SEC31B: variants seen among roughly 807,000 people sequenced by gnomAD.
SEC31B encodes the protein protein transport protein Sec31B.
Under a neutral mutation model 135.0 loss-of-function variants are expected in SEC31B, and 113 were observed. The ratio of observed to expected loss-of-function variants is 0.84; its 90% CI spans 0.72 to 0.98. SEC31B has a LOEUF of 0.98. Among genes scored for constraint, SEC31B ranks in the 50% least tolerant of loss-of-function variants. SEC31B has a pLI of 0.00. For missense variants in SEC31B, 1,296 were observed against 1,421.1 expected, an observed-to-expected ratio of 0.91 and a Z score of 1.42; for synonymous variants, 508 against 549.4, an observed-to-expected ratio of 0.92 and a Z score of 1.05.
At chr10:100,511,374 T>C (rs1851733998) in intron 3 of SEC31B, among the ~76,000 whole-genome samples, 1 of 152,216 alleles carries the variant, frequency 6.6e-6, no homozygotes. Flanking sequence ...TTCCCATCTC[T>C]ACTCTGCAAA....
intron 11 of SEC31B, chr10:100,499,986 T>G: frequency 4.6e-6 from 2 of 435,572 alleles, no homozygotes; most frequent in Non-Finnish European, 9.2e-6. Context: ...TTTCCCTGTT[T>G]GCAGTGGCTC....
At chr10:100,514,075 C>T (rs1459442739) in intron 3 of SEC31B, among the ~76,000 whole-genome samples, 2 of 151,950 alleles carry the variant, frequency 1.3e-5, no homozygotes, top group African/African-American at 2.4e-5. Flanking sequence ...ATCCCAGCTA[C>T]TCGGGAGGCT....
rs992306547 is a variant in SEC31B, at chr10:100,486,985, A to AT, written c.*630dup. 1.3e-5 allele frequency: 2 copies of AT among 152,804 alleles called. No individual in the cohort carries two copies. The highest frequency in any genetic ancestry group is 4.8e-5 in the African/African-American group (2 of 41,440). 9.5% of individuals were successfully genotyped at this position (152,804 alleles called of 1,614,324 possible). Reference sequence around the variant, plus strand: ...AGGCAGTTCATCCCTTTCACCTTCCATCCAACCTAGCCCACCCTTAATAAT... The same window carrying AT: ...AGGCAGTTCATCCCTTTCACCTTCCATTCCAACCTAGCCCACCCTTAATAAT... On this transcript the variant is annotated 3_prime_UTR_variant, in exon 26 of 26. Transcript: ENST00000370345.
intron 7 of SEC31B, among the ~76,000 whole-genome samples, chr10:100,506,670 C>T (rs1851638832): frequency 1.3e-5 from 2 of 152,220 alleles, no homozygotes; most frequent in Admixed American, 1.3e-4. Flanking sequence ...CACTCTGCCT[C>T]TCTTAGATCA....
At chr10:100,499,105 A>G (rs1010668361) in intron 13 of SEC31B, 55 bp downstream of exon 13, 44 of 1,453,782 alleles carry the variant, frequency 3.0e-5, no homozygotes, top group Non-Finnish European at 4.0e-5. Context: ...AAAGATGCCC[A>G]AAAGGCAGGT....
In SEC31B at chr10:100,509,503, T is replaced by C. The variant is rs779677267; in HGVS notation, c.212A>G (p.Lys71Arg). Reference sequence around the variant, plus strand: ...ACTGCCAAAGCTCCCCCAGACCAGCTTGTGAAACCTATAAAGAGGAGGAAC... The same window carrying C: ...ACTGCCAAAGCTCCCCCAGACCAGCCTGTGAAACCTATAAAGAGGAGGAAC... ...GVLSALSRFH[K>R]LVWGSFGSGL... Residue 71 changes from lysine (K) to arginine (R), a missense_variant, in exon 4 of 26, where the codon AAG becomes AGG. Transcript: ENST00000370345. 3 of 1,611,070 alleles carry C rather than the reference T, an allele frequency of 1.9e-6. No homozygotes were observed. Among genetic ancestry groups the C allele is most frequent in the Non-Finnish European group, 2.5e-6 (3 of 1,178,260 alleles).
chr10:100,499,072 G>A lies in SEC31B; in HGVS notation c.1584+88C>T, dbSNP rs150355434. ...TACAGACGCTAAACACTTACAGACA[G>A]CAAAGAAAAGGGCCAGGAAGGGAAA... is the stretch of plus-strand genomic sequence containing the variant. On this transcript the variant is annotated intron_variant, in intron 13 of 25. Coordinates refer to ENST00000370345, the MANE Select transcript of SEC31B (RefSeq NM_015490.4). 5.7e-6 allele frequency: 6 copies of A among 1,055,556 alleles called. No homozygotes were observed. In the East Asian group the frequency reaches 1.5e-4, roughly 26 times the overall value. 65.4% of individuals were successfully genotyped at this position (1,055,556 alleles called of 1,614,324 possible).
intron 11 of SEC31B, chr10:100,500,276 C>T (rs889792733): frequency 2.2e-6 from 1 of 446,990 alleles, no homozygotes; most frequent in East Asian, 7.0e-5. Context: ...GAGACTGCTG[C>T]CAAGTGTAGC....
intron 16 of SEC31B, 84 bp from the exon 17 acceptor site, chr10:100,497,364 T>C (rs1851431784): frequency 6.3e-7 from 1 of 1,575,180 alleles, no homozygotes; most frequent in Non-Finnish European, 8.6e-7. Context: ...GAGAGGACCA[T>C]GAGCCTGGGA....
Position 100,490,055 on chromosome 10 carries a change from G to A in SEC31B, c.2918C>T (p.Pro973Leu). 1.3e-6 allele frequency: 2 copies of A among 1,562,386 alleles called. No homozygotes were observed. The highest frequency in any genetic ancestry group is 8.6e-7 in the Non-Finnish European group (1 of 1,158,530). Residue 973 changes from proline to leucine, a missense_variant, in exon 21 of 26, where the codon CCA (proline) becomes CTA (leucine). By Grantham distance (98) the Pro-to-Leu change is moderately conservative (BLOSUM62 -3). Coordinates refer to ENST00000370345, the MANE Select transcript of SEC31B (RefSeq NM_015490.4). ...AGTGGTTGGGAGGACACTAGAGCAT[G>A]GGGCACCTGGGTCCCCTGGAAGGTA... ...VPYLPGDPGAPCSSVLPTTGI... is the reference protein window; with the variant it reads ...VPYLPGDPGALCSSVLPTTGI...
chr10:100,515,241 G>C (rs4917902), intron 3 of SEC31B, among the ~76,000 whole-genome samples: 33,533 of 152,058 alleles, frequency 0.22, 3,852 homozygotes, highest in African/African-American at 0.25. Context: ...GCAGTGAGCC[G>C]TGATCGTGCC....
At chr10:100,504,547 G>A (rs1851588555) in intron 10 of SEC31B, among the ~76,000 whole-genome samples, 2 of 152,130 alleles carry the variant, frequency 1.3e-5, no homozygotes, top group African/African-American at 4.8e-5. Context: ...AATAGTTTGT[G>A]AAGCACCGCT....
At chr10:100,507,844 T>A in intron 6 of SEC31B, 64 bp downstream of exon 6, 1 of 1,607,806 alleles carries the variant, frequency 6.2e-7, no homozygotes, top group South Asian at 1.1e-5. Flanking sequence ...GCAGAGCAGC[T>A]CTAACTGCTA....
chr10:100,516,245 G>T, intron 2 of SEC31B, 26 bp from the exon 3 acceptor site: 1 of 1,610,460 alleles, frequency 6.2e-7, no homozygotes, highest in Non-Finnish European at 8.5e-7. Context: ...GGCAGCATAT[G>T]AGCAACAATA....
At chr10:100,498,680 TCC>T in intron 14 of SEC31B, 23 bp downstream of exon 14, 2 of 1,539,662 alleles carry the variant, frequency 1.3e-6, no homozygotes, top group Non-Finnish European at 9.0e-7. Flanking sequence ...GCAGAGACTC[TCC>T]CTCTCCCTCA....
chr10:100,509,017 G>T lies in SEC31B; in HGVS notation c.485C>A (p.Ser162Tyr), dbSNP rs761564603. ...GGGGGTGCTGCTCACCTGTGACTTG[G>T]ATCCCAGGGTCATTGGCACATTCAA... is the stretch of plus-strand genomic sequence containing the variant. ...NNLNVPMTLG[S>Y]KSQQPPEDIK... Residue 162 changes from serine (S) to tyrosine (Y), a missense_variant, in exon 5 of 26, where the codon TCC (serine) becomes TAC (tyrosine). Transcript: ENST00000370345. The T allele has an allele frequency of 1.2e-6, 2 of 1,613,282 alleles. No homozygotes were observed. The highest frequency in any genetic ancestry group is 1.3e-5 in the African/African-American group (1 of 74,894).
chr10:100,517,259 T>C (rs970117374), intron 1 of SEC31B, among the ~76,000 whole-genome samples: 1 of 152,248 alleles, frequency 6.6e-6, no homozygotes, highest in African/African-American at 2.4e-5. Flanking sequence ...CTCTCAGTGA[T>C]GTTTGTCCAT....
chr10:100,503,621 CAG>C (rs929662687), intron 10 of SEC31B, among the ~76,000 whole-genome samples: 1 of 151,808 alleles, frequency 6.6e-6, no homozygotes, highest in African/African-American at 2.4e-5. Context: ...TTAGTAGAGA[CAG>C]GGGTTTCTCC....
intron 1 of SEC31B, among the ~76,000 whole-genome samples, chr10:100,518,828 T>C (rs1490317983): frequency 1.3e-5 from 2 of 152,250 alleles, no homozygotes; most frequent in Non-Finnish European, 1.5e-5. Flanking sequence ...AGTTTAAGCC[T>C]GCCCATTAAG....
Sources: gnomAD v4.1 joint callset for allele counts (sites outside exome capture counted in the v4.1 genomes callset) on GRCh38, gnomAD v4.1.1 for gene constraint, MANE v1.5 for transcripts, NCBI Gene and HGNC (gene_info 2026-07-23, HGNC 2026-07-21) for gene names.